The following SCIMP variants were observed in gnomAD, a reference collection of about 807,000 sequenced individuals.
SCIMP encodes the protein SLP adaptor and CSK interacting membrane protein.
In SCIMP, 18 loss-of-function variants were observed where a neutral mutation model predicts 22.0. That is an observed-to-expected ratio of 0.82 (90% CI 0.56 to 1.21). SCIMP has a LOEUF of 1.21. Ranked by LOEUF, SCIMP falls within the 50% of genes most tolerant of loss-of-function variation. The pLI, the probability that SCIMP is intolerant of heterozygous loss-of-function variation, is 0.00. For synonymous variants in SCIMP, 53 were observed against 62.2 expected (o/e 0.85, Z 0.70); for missense variants, 155 against 171.2 (o/e 0.91, Z 0.53).
rs201961696 is a variant in SCIMP, at chr17:5,210,842, C to T, written c.397G>A (p.Asp133Asn). 20 of 1,611,758 alleles carry T rather than the reference C, an allele frequency of 1.2e-5. No individual in the cohort carries two copies. The Admixed American group carries it at 1.9e-4, about 15-fold the overall frequency. The change falls in exon 5 of 5, where the codon GAT becomes AAT. Residue 133 changes from aspartate to asparagine, a missense_variant. Physicochemically the swap from Asp to Asn is conservative, Grantham distance 23. Coordinates refer to ENST00000574081, the MANE Select transcript of SCIMP (RefSeq NM_207103.3). ...TCAGTATTTGCAGGGATTTCAACAT[C>T]GTCATAGTCATCTTCAGGCTCAATG... ...SYIEPEDDYDDVEIPANTEKA... is the reference protein window; with the variant it reads ...SYIEPEDDYDNVEIPANTEKA...
At position 5,210,739 on chromosome 17, in the gene SCIMP, A is replaced by G; in HGVS notation, c.*62T>C. On this transcript the variant is annotated 3_prime_UTR_variant, in exon 5 of 5. Coordinates refer to ENST00000574081, the MANE Select transcript of SCIMP (RefSeq NM_207103.3). Reference sequence around the variant, plus strand: ...ACCTACTGAAGTTCAACCATTCTTGATTGTTTTAAAATAAGTTGTGTGAAC... The same window carrying G: ...ACCTACTGAAGTTCAACCATTCTTGGTTGTTTTAAAATAAGTTGTGTGAAC... 6.4e-7 allele frequency: 1 copy of G among 1,557,642 alleles called. No individual in the cohort carries two copies. Among genetic ancestry groups the G allele is most frequent in the South Asian group, 1.3e-5 (1 of 79,592 alleles).
chr17:5,219,395 G>C (rs572951952), intron 3 of SCIMP, among the ~76,000 whole-genome samples: 2 of 152,126 alleles, frequency 1.3e-5, no homozygotes, highest in African/African-American at 4.8e-5. Flanking sequence ...GGGAGGCCAA[G>C]GTGGGTGGAT....
At chr17:5,218,763 A>G (rs1253311504) in intron 3 of SCIMP, among the ~76,000 whole-genome samples, 1 of 152,200 alleles carries the variant, frequency 6.6e-6, no homozygotes, top group East Asian at 1.9e-4. Context: ...CCCTGAAGCT[A>G]CAACAAAAGC....
At chr17:5,233,530 GC>G (rs1284967090) in intron 1 of SCIMP, among the ~76,000 whole-genome samples, 6 of 152,118 alleles carry the variant, frequency 3.9e-5, no homozygotes, top group Admixed American at 2.6e-4. Context: ...CCACCACCAT[GC>G]CCAGCTAATT....
At chr17:5,221,113 A>G (rs925273600) in intron 3 of SCIMP, 174 bp downstream of exon 3, 24 of 704,464 alleles carry the variant, frequency 3.4e-5, no homozygotes, top group African/African-American at 5.3e-5. Context: ...CCCTGCATCG[A>G]CAATGTCCTG....
Position 5,221,882 on chromosome 17 carries a change from C to T in SCIMP, c.146-532G>A, listed in dbSNP as rs555072969. On this transcript the variant is annotated intron_variant, in intron 2 of 4. Transcript: ENST00000574081. ...CTGCTCCCTGGGTTCAAGCGATTCT[C>T]CTGCCTCAGCCTCCTGAGTAGCTGA... Among the ~76,000 whole-genome samples the T allele has an allele frequency of 5.1e-4, 77 of 152,234 alleles. 1 individual carries two copies. Among genetic ancestry groups the T allele is most frequent in the Middle Eastern group, 6.8e-3 (2 of 294 alleles).
intron 1 of SCIMP, among the ~76,000 whole-genome samples, chr17:5,231,229 A>G (rs1203989208): frequency 6.6e-6 from 1 of 151,912 alleles, no homozygotes; most frequent in Non-Finnish European, 1.5e-5. Context: ...GTGTGGTGGC[A>G]GGCGCCTGTA....
intron 4 of SCIMP, chr17:5,213,786 T>G (rs1192758778): frequency 6.6e-6 from 1 of 152,158 alleles, no homozygotes; most frequent in African/African-American, 2.4e-5. Flanking sequence ...AAGTGGAGAT[T>G]GCAGTGAGCT....
intron 4 of SCIMP, chr17:5,213,894 A>G (rs1171971020): frequency 1.3e-5 from 2 of 152,176 alleles, no homozygotes; most frequent in East Asian, 3.8e-4. Flanking sequence ...CTAGTGTTAC[A>G]GACTGAATGT....
At chr17:5,227,095 C>T (rs1213720778) in intron 1 of SCIMP, among the ~76,000 whole-genome samples, 2 of 151,976 alleles carry the variant, frequency 1.3e-5, no homozygotes, top group South Asian at 2.1e-4. Context: ...CACAGAGGGC[C>T]GATAAGATTG....
intron 2 of SCIMP, among the ~76,000 whole-genome samples, chr17:5,221,787 C>G (rs995473678): frequency 3.9e-5 from 6 of 152,020 alleles, no homozygotes; most frequent in African/African-American, 1.4e-4. Flanking sequence ...TATTTTCTCC[C>G]CCCAGACAGA....
chr17:5,229,695 G>A (rs554286775), intron 1 of SCIMP, among the ~76,000 whole-genome samples: 35 of 151,036 alleles, frequency 2.3e-4, no homozygotes, highest in East Asian at 1.6e-3. Flanking sequence ...TGCGTCCGGC[G>A]TATTTAGCAT....
chr17:5,212,824 G>A (rs754685984), intron 4 of SCIMP, among the ~76,000 whole-genome samples: 1 of 152,156 alleles, frequency 6.6e-6, no homozygotes, highest in Non-Finnish European at 1.5e-5. Context: ...CCTGTTCTAG[G>A]TAGTGGATAA....
chr17:5,220,565 C>T (rs186173769), intron 3 of SCIMP, among the ~76,000 whole-genome samples: 1 of 151,730 alleles, frequency 6.6e-6, no homozygotes, highest in Admixed American at 6.6e-5. Flanking sequence ...GGTGAAACCC[C>T]GTCTCTACTA....
At chr17:5,222,604 A>G (rs1265493297) in intron 2 of SCIMP, among the ~76,000 whole-genome samples, 2 of 152,142 alleles carry the variant, frequency 1.3e-5, no homozygotes, top group African/African-American at 2.4e-5. Flanking sequence ...AGAGAAGGCA[A>G]TCATGGTGGC....
rs912227538 is a variant in SCIMP, at chr17:5,209,405, A to G, written c.*1396T>C. ...CACCTTGGCCTCCCAAGGAGGTATT[A>G]ATAGCAAGGTGGAAGCCTTCATAGA... On this transcript the variant is annotated 3_prime_UTR_variant, in exon 5 of 5. Coordinates refer to ENST00000574081, the MANE Select transcript of SCIMP (RefSeq NM_207103.3). 6.6e-6 allele frequency: 1 copy of G among 152,258 alleles called. No individual in the cohort carries two copies. The highest frequency in any genetic ancestry group is 2.4e-5 in the African/African-American group (1 of 41,452). The allele number at this position is 152,258 out of a possible 1,614,324, so 9.4% of individuals were successfully genotyped here.
At chr17:5,233,268 A>G (rs1168670534) in intron 1 of SCIMP, among the ~76,000 whole-genome samples, 1 of 152,038 alleles carries the variant, frequency 6.6e-6, no homozygotes, top group Non-Finnish European at 1.5e-5. Flanking sequence ...TCATCTCTGT[A>G]CCTGGACCAT....
Position 5,209,770 on chromosome 17 carries a change from T to C in SCIMP, c.*1031A>G, listed in dbSNP as rs2074513733. 1 of 152,218 alleles carries C rather than the reference T, an allele frequency of 6.6e-6. No homozygotes were observed. The highest frequency in any genetic ancestry group is 2.4e-5 in the African/African-American group (1 of 41,448). The allele number at this position is 152,218 out of a possible 1,614,324, so 9.4% of individuals were successfully genotyped here. A position where few individuals can be genotyped will look rare whatever the true frequency, so the allele number is the denominator to read the frequency against. On this transcript the variant is annotated 3_prime_UTR_variant, in exon 5 of 5. Transcript: ENST00000574081. Reference sequence around the variant, plus strand: ...ATTAGGACACTTGTTTAACAAGACATCTGCCCATGTCCCTGGCCCATCTCA... The same window carrying C: ...ATTAGGACACTTGTTTAACAAGACACCTGCCCATGTCCCTGGCCCATCTCA...
At chr17:5,224,469 T>C (rs1228675703) in intron 1 of SCIMP, among the ~76,000 whole-genome samples, 1 of 140,788 alleles carries the variant, frequency 7.1e-6, no homozygotes, top group African/African-American at 2.9e-5. Context: ...TTTGTTTGTT[T>C]GTTTGTTTTT....
Sources: allele counts gnomAD v4.1 joint callset (sites outside exome capture counted in the v4.1 genomes callset), GRCh38; gene constraint gnomAD v4.1.1; transcripts MANE v1.5; gene names NCBI Gene and HGNC (gene_info 2026-07-23, HGNC 2026-07-21).